Variants in SLC9A9 observed in about 807,000 individuals in gnomAD.
The protein encoded by SLC9A9 is solute carrier family 9 member A9.
SLC9A9 carries 62 observed loss-of-function variants against 77.8 expected under a neutral mutation model. The observed-to-expected ratio is 0.80, with a 90% CI of 0.65 to 0.98. The LOEUF (loss-of-function observed/expected upper bound fraction) is 0.98. Among genes scored for constraint, SLC9A9 ranks in the 50% least tolerant of loss-of-function variants. The pLI, the probability that SLC9A9 is intolerant of heterozygous loss-of-function variation, is 0.00. For synonymous variants in SLC9A9, 320 were observed against 283.5 expected, an observed-to-expected ratio of 1.13 and a Z score of -1.29; for missense variants, 775 against 774.9, an observed-to-expected ratio of 1.00 and a Z score of 0.00.
intron 14 of SLC9A9, among the ~76,000 whole-genome samples, chr3:143,269,430 A>C (rs188235484): frequency 6.6e-6 from 1 of 152,262 alleles, no homozygotes. Flanking sequence ...TAGTGAACAT[A>C]GATTGTTTTC....
At chr3:143,729,966 T>C (rs141216405) in intron 4 of SLC9A9, among the ~76,000 whole-genome samples, 160 of 152,372 alleles carry the variant, frequency 1.1e-3, no homozygotes, top group African/African-American at 3.8e-3. Flanking sequence ...TTACTTGTTA[T>C]GTGTGTGCTT....
At chr3:143,329,585 G>C (rs1263307926) in intron 14 of SLC9A9, among the ~76,000 whole-genome samples, 1 of 152,212 alleles carries the variant, frequency 6.6e-6, no homozygotes, top group African/African-American at 2.4e-5. Flanking sequence ...TTGGCCTCCT[G>C]CGCGTGCTGC....
At position 143,799,131 on chromosome 3, in the gene SLC9A9, C is replaced by T. The variant is rs533181901; in HGVS notation, c.379-2228G>A. Among the ~76,000 whole-genome samples the T allele has an allele frequency of 6.6e-5, 10 of 152,234 alleles. No homozygotes were observed. In the South Asian group the frequency reaches 1.9e-3, roughly 28 times the overall value. On this transcript the variant is annotated intron_variant, in intron 2 of 15. Coordinates refer to ENST00000316549, the MANE Select transcript of SLC9A9 (RefSeq NM_173653.4). ...ATAGTCAAGGTTAATGCTCCTTTTT[C>T]TTTATCCGACCTCTCCCAAATCAGT...
chr3:143,761,395 G>A (rs996292587), intron 4 of SLC9A9, among the ~76,000 whole-genome samples: 11 of 152,144 alleles, frequency 7.2e-5, no homozygotes, highest in Non-Finnish European at 1.2e-4. Context: ...TATCATCAGA[G>A]TGAACAGGCA....
At chr3:143,655,547 G>C in intron 5 of SLC9A9, 3 of 985,242 alleles carry the variant, frequency 3.0e-6, no homozygotes, top group Non-Finnish European at 3.6e-6. Flanking sequence ...TTGTGGCTTG[G>C]AGTTCCTTCT....
intron 14 of SLC9A9, among the ~76,000 whole-genome samples, chr3:143,360,012 T>C (rs1268379708): frequency 6.6e-6 from 1 of 152,198 alleles, no homozygotes; most frequent in East Asian, 1.9e-4. Context: ...GAATGGTGAC[T>C]TTGTGAACAT....
intron 8 of SLC9A9, among the ~76,000 whole-genome samples, chr3:143,554,179 T>C (rs2036938161): frequency 6.6e-6 from 1 of 152,130 alleles, no homozygotes; most frequent in African/African-American, 2.4e-5. Context: ...AGAACAAGAA[T>C]AGGTAACAAA....
intron 14 of SLC9A9, among the ~76,000 whole-genome samples, chr3:143,334,082 G>A (rs1409884769): frequency 6.6e-6 from 1 of 152,074 alleles, no homozygotes; most frequent in Non-Finnish European, 1.5e-5. Context: ...GAAATCTCTG[G>A]GTAAAACATT....
intron 13 of SLC9A9, among the ~76,000 whole-genome samples, chr3:143,373,101 T>TATC (rs2033093753): frequency 2.0e-5 from 3 of 150,972 alleles, no homozygotes; most frequent in African/African-American, 7.3e-5. Flanking sequence ...CACTACTGGG[T>TATC]ATCTACCCAA....
chr3:143,329,706 A>C (rs2031707639), intron 14 of SLC9A9, among the ~76,000 whole-genome samples: 1 of 152,102 alleles, frequency 6.6e-6, no homozygotes, highest in East Asian at 1.9e-4. Flanking sequence ...CTAGCTGCTC[A>C]GCAGTTCCTC....
intron 12 of SLC9A9, among the ~76,000 whole-genome samples, chr3:143,416,885 G>A (rs1347224844): frequency 1.3e-5 from 2 of 152,160 alleles, no homozygotes; most frequent in East Asian, 1.9e-4. Context: ...TATCCACTAT[G>A]AGTGGGAAAT....
intron 7 of SLC9A9, among the ~76,000 whole-genome samples, chr3:143,576,625 C>T (rs1211679717): frequency 1.3e-5 from 2 of 152,214 alleles, no homozygotes; most frequent in Non-Finnish European, 2.9e-5. Flanking sequence ...CAATAGGGAG[C>T]AGTGAAGAGA....
chr3:143,714,116 G>C lies in SLC9A9; in HGVS notation c.534-20809C>G, dbSNP rs914208468. Among the ~76,000 whole-genome samples the C allele has an allele frequency of 4.6e-5, 7 of 152,268 alleles. No individual in the cohort carries two copies. In the East Asian group the frequency reaches 5.8e-4, roughly 13 times the overall value. On this transcript the variant is annotated intron_variant, in intron 4 of 15. Coordinates refer to ENST00000316549, the MANE Select transcript of SLC9A9 (RefSeq NM_173653.4). ...TCCCAGGACATAGAAGGTGGCATTT[G>C]CAAAACTCATTTAACTCCTCCGAAT...
At chr3:143,481,667 T>C (rs973325819) in intron 11 of SLC9A9, among the ~76,000 whole-genome samples, 1 of 152,232 alleles carries the variant, frequency 6.6e-6, no homozygotes, top group African/African-American at 2.4e-5. Context: ...CCTAGGGATC[T>C]GTTAGAATGC....
intron 6 of SLC9A9, among the ~76,000 whole-genome samples, chr3:143,621,089 G>A (rs2038202753): frequency 1.3e-5 from 2 of 152,322 alleles, no homozygotes; most frequent in Admixed American, 6.5e-5. Context: ...CCATTGCCAA[G>A]GCTTGAGTAG....
chr3:143,381,940 T>A (rs1211921230), intron 13 of SLC9A9, 120 bp downstream of exon 13: 2 of 1,129,814 alleles, frequency 1.8e-6, no homozygotes, highest in Non-Finnish European at 2.7e-6. Context: ...ATTTGTTTTA[T>A]CAGCAGAGGA....
intron 12 of SLC9A9, among the ~76,000 whole-genome samples, chr3:143,464,006 G>T (rs1192739773): frequency 6.6e-6 from 1 of 151,958 alleles, no homozygotes; most frequent in African/African-American, 2.4e-5. Flanking sequence ...ATTTTATGGG[G>T]ATTAAAAAAA....
intron 2 of SLC9A9, among the ~76,000 whole-genome samples, chr3:143,804,405 C>T (rs1006986437): frequency 2.0e-5 from 3 of 152,282 alleles, no homozygotes; most frequent in East Asian, 3.9e-4. Flanking sequence ...TTCTCCTACA[C>T]CATGAAAATC....
intron 12 of SLC9A9, among the ~76,000 whole-genome samples, chr3:143,421,859 C>T (rs2034302795): frequency 6.6e-6 from 1 of 152,066 alleles, no homozygotes; most frequent in Non-Finnish European, 1.5e-5. Flanking sequence ...GGTCTAATAC[C>T]AGAATCTACA....
Sources: gnomAD v4.1 joint callset for allele counts (sites outside exome capture counted in the v4.1 genomes callset) on GRCh38, gnomAD v4.1.1 for gene constraint, MANE v1.5 for transcripts, NCBI Gene and HGNC (gene_info 2026-07-23, HGNC 2026-07-21) for gene names.